The following PCDHA6 variants were observed in gnomAD, a reference collection of about 807,000 sequenced individuals.
PCDHA6 encodes protocadherin alpha 6, also known as protocadherin alpha-6.
Under a neutral mutation model 60.3 loss-of-function variants are expected in PCDHA6, and 55 were observed. The ratio of observed to expected loss-of-function variants is 0.91; its 90% CI spans 0.73 to 1.14. The LOEUF (loss-of-function observed/expected upper bound fraction) is 1.14, where lower values mean the gene tolerates loss of function less well. Among genes scored for constraint, PCDHA6 ranks in the 50% most tolerant of loss-of-function variants. The pLI, the probability that PCDHA6 is intolerant of heterozygous loss-of-function variation, is 0.00. For missense variants in PCDHA6, 1,327 were observed against 1,256.5 expected (o/e 1.06, Z -0.85); for synonymous variants, 652 against 557.9 (o/e 1.17, Z -2.38).
intron 1 of PCDHA6, among the ~76,000 whole-genome samples, chr5:140,977,003 T>G (rs1382476176): frequency 6.6e-6 from 1 of 152,248 alleles, no homozygotes; most frequent in Non-Finnish European, 1.5e-5. Flanking sequence ...AGAAATCTTG[T>G]AACTGTGATT....
chr5:140,896,046 G>A (rs1430238321), intron 1 of PCDHA6, among the ~76,000 whole-genome samples: 2 of 151,866 alleles, frequency 1.3e-5, no homozygotes, highest in East Asian at 1.9e-4. Context: ...CCTGACCTCA[G>A]GTGATCCGCC....
chr5:140,959,835 C>T (rs1554224346), intron 1 of PCDHA6, among the ~76,000 whole-genome samples: 2 of 152,042 alleles, frequency 1.3e-5, no homozygotes, highest in East Asian at 1.9e-4. Flanking sequence ...ATGTATTATG[C>T]CTGTAACTGC....
At chr5:140,857,365 C>A (rs251362) in intron 1 of PCDHA6, 1 of 1,597,496 alleles carries the variant, frequency 6.3e-7, no homozygotes, top group South Asian at 1.1e-5. Context: ...CCACGGCCAG[C>A]GTGTCTGTGG....
chr5:140,947,107 G>A (rs1041048233), intron 1 of PCDHA6, among the ~76,000 whole-genome samples: 12 of 151,202 alleles, frequency 7.9e-5, no homozygotes, highest in South Asian at 4.2e-4. Flanking sequence ...AAATAGGTAC[G>A]TGTCAATTAA....
rs185908462 is a variant in PCDHA6 at position 140,840,862 on chromosome 5, T to C, written c.2394+10377T>C. Among the ~76,000 whole-genome samples, 246 of 152,114 alleles carry C rather than the reference T, an allele frequency of 1.6e-3. 2 individuals carry two copies. The highest frequency in any genetic ancestry group is 5.6e-3 in the African/African-American group (234 of 41,462). ...AATGCATTTCTTCCACACGAAACTA[T>C]GGAGGACAGTTTACATTTCTGATAT... On this transcript the variant is annotated intron_variant, in intron 1 of 3. Transcript: ENST00000529310.
At chr5:140,987,296 A>G (rs782162576) in intron 3 of PCDHA6, among the ~76,000 whole-genome samples, 1 of 152,126 alleles carries the variant, frequency 6.6e-6, no homozygotes, top group African/African-American at 2.4e-5. Context: ...CAAGCCTTCT[A>G]TGTGATACCA....
rs552420407 is a variant in PCDHA6, at chr5:140,883,937, G to A, written c.2394+53452G>A. Reference sequence around the variant, plus strand: ...CGTGACGCTGCAGGTGTTCGTGCTGGACGAGAACGACAACGCTCCGGCGCT... The same window carrying A: ...CGTGACGCTGCAGGTGTTCGTGCTGAACGAGAACGACAACGCTCCGGCGCT... On this transcript the variant is annotated intron_variant, in intron 1 of 3. Transcript: ENST00000529310. The A allele has an allele frequency of 5.6e-6, 9 of 1,613,414 alleles. 1 individual carries two copies. The South Asian group carries it at 9.9e-5, about 18-fold the overall frequency.
rs144735555 is a variant in PCDHA6 at position 140,884,569 on chromosome 5, G to C, written c.2394+54084G>C. The stretch of plus-strand genomic sequence containing the variant: ...GCTCTGGGGAGGGCCCGCATAAGAC[G>C]GACCTCATGGCCTTCAGTCCCAGCC... On this transcript the variant is annotated intron_variant, in intron 1 of 3. Transcript: ENST00000529310. 7 of 1,614,008 alleles carry C rather than the reference G, an allele frequency of 4.3e-6. No individual in the cohort carries two copies. In the African/African-American group the frequency reaches 8.0e-5, roughly 18 times the overall value.
chr5:140,973,203 A>T (rs1554234958), intron 1 of PCDHA6, among the ~76,000 whole-genome samples: 1 of 152,196 alleles, frequency 6.6e-6, no homozygotes, highest in Non-Finnish European at 1.5e-5. Flanking sequence ...ATGTGTGCAT[A>T]TTCACCCTAA....
chr5:140,883,447 C>A, intron 1 of PCDHA6: 1 of 1,614,168 alleles, frequency 6.2e-7, no homozygotes. Context: ...CGCCGCATGT[C>A]CCCTTCAAGC....
chr5:140,838,075 ATAGTGTGTGTGTGTGTGTGTGT>A lies in PCDHA6; in HGVS notation c.2394+7591_2394+7612del, dbSNP rs1451714583. 4.8e-3 allele frequency among the ~76,000 whole-genome samples: 618 copies of A among 128,240 alleles called. 16 individuals carry two copies. Among genetic ancestry groups the A allele is most frequent in the African/African-American group, 0.016 (526 of 32,658 alleles). The allele number at this position is 128,240 out of a possible 152,430, so 84.1% of individuals were successfully genotyped here. A position where few individuals can be genotyped will look rare whatever the true frequency, so the allele number is the denominator to read the frequency against. On this transcript the variant is annotated intron_variant, in intron 1 of 3. Transcript: ENST00000529310. ...GTTTTCCACTTTAAGTTATATATAT[ATAGTGTGTGTGTGTGTGTGTGT>A]GTGTGTGTGTGTGTGTGTGTGTGTG...
At chr5:140,986,141 G>C (rs1473474920) in intron 3 of PCDHA6, among the ~76,000 whole-genome samples, 2 of 152,138 alleles carry the variant, frequency 1.3e-5, no homozygotes, top group African/African-American at 2.4e-5. Context: ...ATCAACAAGG[G>C]CATCACCAAG....
At chr5:141,007,306 T>C (rs1050571899) in intron 3 of PCDHA6, among the ~76,000 whole-genome samples, 8 of 151,500 alleles carry the variant, frequency 5.3e-5, no homozygotes, top group Admixed American at 3.3e-4. Context: ...ATCTTAGCAT[T>C]TTGGGAGGCT....
At chr5:140,865,092 AG>A (rs2153225895) in intron 1 of PCDHA6, 1 of 152,364 alleles carries the variant, frequency 6.6e-6, no homozygotes, top group East Asian at 1.9e-4. Context: ...ATATTAATAA[AG>A]GCACTTCCAC....
chr5:140,843,129 A>G (rs2150353513), intron 1 of PCDHA6: 1 of 1,596,008 alleles, frequency 6.3e-7, no homozygotes, highest in Non-Finnish European at 8.6e-7. Context: ...GACTCGGGCT[A>G]CAACGCGTGG....
chr5:140,940,164 A>G (rs2092564000), intron 1 of PCDHA6, among the ~76,000 whole-genome samples: 1 of 152,170 alleles, frequency 6.6e-6, no homozygotes, highest in Non-Finnish European at 1.5e-5. Context: ...TTTGCCTGAA[A>G]TGTCATTCTT....
At position 140,842,830 on chromosome 5, in the gene PCDHA6, G is replaced by T. The variant is rs1554139431; in HGVS notation, c.2394+12345G>T. ...TGGAGCGGCGGGTGGGCGAGCGCTC[G>T]CTGTCGAGCTACATTTCGGTGCACA... On this transcript the variant is annotated intron_variant, in intron 1 of 3. Coordinates refer to ENST00000529310, the MANE Select transcript of PCDHA6 (RefSeq NM_018909.4). 1.0e-5 allele frequency: 16 copies of T among 1,593,780 alleles called. 3 individuals are homozygous for T. The South Asian group carries it at 1.8e-4, about 18-fold the overall frequency.
At chr5:140,959,719 A>G (rs986383146) in intron 1 of PCDHA6, among the ~76,000 whole-genome samples, 4 of 152,366 alleles carry the variant, frequency 2.6e-5, no homozygotes, top group African/African-American at 9.6e-5. Context: ...AAATTTTTAG[A>G]TAACATTATC....
chr5:140,836,926 G>A (rs1041643515), intron 1 of PCDHA6: 6 of 510,622 alleles, frequency 1.2e-5, no homozygotes, highest in Non-Finnish European at 1.7e-5. Flanking sequence ...TTTGGGATGC[G>A]TAATACTATA....
Sources: gnomAD v4.1 joint callset for allele counts (sites outside exome capture counted in the v4.1 genomes callset) on GRCh38, gnomAD v4.1.1 for gene constraint, MANE v1.5 for transcripts, NCBI Gene and HGNC (gene_info 2026-07-23, HGNC 2026-07-21) for gene names.